PDE11A: variants seen among roughly 807,000 people sequenced by gnomAD.
The protein encoded by PDE11A is dual 3',5'-cyclic-AMP and -GMP phosphodiesterase 11A.
A neutral mutation model predicts 100.5 loss-of-function variants in PDE11A; 100 were observed. The observed-to-expected ratio is 1.00, with a 90% CI of 0.85 to 1.18. The LOEUF (loss-of-function observed/expected upper bound fraction) is 1.18. Ranked by LOEUF, PDE11A falls within the 50% of genes most tolerant of loss-of-function variation. The pLI, the probability that PDE11A is intolerant of heterozygous loss-of-function variation, is 0.00. For missense variants in PDE11A, 1,141 were observed against 1,152.6 expected, an observed-to-expected ratio of 0.99 and a Z score of 0.15; for synonymous variants, 381 against 420.8, an observed-to-expected ratio of 0.91 and a Z score of 1.16.
chr2:177,923,907 C>A (rs1245697527), intron 2 of PDE11A, among the ~76,000 whole-genome samples: 1 of 152,044 alleles, frequency 6.6e-6, no homozygotes, highest in East Asian at 1.9e-4. Context: ...AGTGGTGGCT[C>A]AAGCAATATG....
chr2:178,037,185 AAAC>A (rs1380805112), intron 1 of PDE11A, among the ~76,000 whole-genome samples: 1 of 152,232 alleles, frequency 6.6e-6, no homozygotes, highest in Non-Finnish European at 1.5e-5. Context: ...AGAAAAAAAC[AAAC>A]AACACCATGA....
At chr2:177,982,174 C>T (rs2695747) in intron 2 of PDE11A, among the ~76,000 whole-genome samples, 97,144 of 150,278 alleles carry the variant, frequency 0.65, 34,823 homozygotes, top group African/African-American at 0.87. Flanking sequence ...CAAAATGAAT[C>T]CTTTTCAGCT....
At chr2:177,798,926 T>C (rs1317399804) in intron 9 of PDE11A, among the ~76,000 whole-genome samples, 2 of 152,278 alleles carry the variant, frequency 1.3e-5, no homozygotes, top group South Asian at 4.1e-4. Flanking sequence ...AGAGTAACTG[T>C]ACATTGGGGA....
intron 9 of PDE11A, among the ~76,000 whole-genome samples, chr2:177,805,731 A>G (rs1426857004): frequency 6.6e-6 from 1 of 152,218 alleles, no homozygotes; most frequent in Non-Finnish European, 1.5e-5. Context: ...AAATGCTAAT[A>G]TCTGATACAT....
chr2:177,808,318 TATC>T (rs1318937003), intron 9 of PDE11A, among the ~76,000 whole-genome samples: 1 of 152,224 alleles, frequency 6.6e-6, no homozygotes, highest in Non-Finnish European at 1.5e-5. Context: ...AGTAGATAGT[TATC>T]ATTTGGACAA....
intron 1 of PDE11A, among the ~76,000 whole-genome samples, chr2:178,067,861 T>C (rs1012458311): frequency 6.6e-6 from 1 of 152,184 alleles, no homozygotes; most frequent in Non-Finnish European, 1.5e-5. Context: ...GAAGCTGTTG[T>C]GTAAACAGAT....
At chr2:177,836,030 C>A (rs373259793) in intron 6 of PDE11A, among the ~76,000 whole-genome samples, 2 of 152,224 alleles carry the variant, frequency 1.3e-5, no homozygotes, top group East Asian at 3.9e-4. Context: ...CCGGTCCTAT[C>A]GACCACCCAA....
upstream of PDE11A, among the ~76,000 whole-genome samples, chr2:178,076,179 G>A (rs1178314252): frequency 6.6e-6 from 1 of 152,118 alleles, no homozygotes; most frequent in African/African-American, 2.4e-5. Flanking sequence ...GGCTCTGCAG[G>A]CTCCTTCTCC....
At chr2:177,928,965 TG>T (rs1485816171) in intron 2 of PDE11A, among the ~76,000 whole-genome samples, 1 of 152,210 alleles carries the variant, frequency 6.6e-6, no homozygotes, top group East Asian at 1.9e-4. Flanking sequence ...TTGAGAACCT[TG>T]AAAAAGTAAA....
intron 19 of PDE11A, among the ~76,000 whole-genome samples, chr2:177,643,216 T>C (rs907119712): frequency 6.6e-6 from 1 of 152,060 alleles, no homozygotes; most frequent in African/African-American, 2.4e-5. Context: ...TTTGGAACAA[T>C]TTGGAGGGCT....
chr2:177,746,512 T>C (rs2081950171), intron 10 of PDE11A, among the ~76,000 whole-genome samples: 1 of 152,190 alleles, frequency 6.6e-6, no homozygotes, highest in Non-Finnish European at 1.5e-5. Context: ...AGGCATATTC[T>C]GATATCACAT....
intron 6 of PDE11A, among the ~76,000 whole-genome samples, chr2:177,835,727 G>A (rs1030569363): frequency 1.3e-5 from 2 of 152,322 alleles, no homozygotes; most frequent in South Asian, 4.1e-4. Flanking sequence ...CCCACCACAA[G>A]TTCTGGGTGG....
intron 1 of PDE11A, among the ~76,000 whole-genome samples, chr2:178,054,892 T>C (rs981714018): frequency 6.6e-6 from 1 of 152,212 alleles, no homozygotes; most frequent in Non-Finnish European, 1.5e-5. Context: ...ATTTTTACAC[T>C]GTTGGTGGGA....
chr2:177,771,384 C>T (rs996319347), intron 9 of PDE11A, among the ~76,000 whole-genome samples: 1 of 152,144 alleles, frequency 6.6e-6, no homozygotes, highest in Non-Finnish European at 1.5e-5. Context: ...ATGGCACATA[C>T]CATTTGTGTG....
At chr2:177,880,381 A>G (rs557568212) in intron 4 of PDE11A, among the ~76,000 whole-genome samples, 90 of 152,044 alleles carry the variant, frequency 5.9e-4, no homozygotes, top group Non-Finnish European at 1.2e-3. Context: ...CCCAATAAAG[A>G]CTCTAGACAC....
At chr2:177,707,295 GTTC>G (rs1222093112) in intron 13 of PDE11A, among the ~76,000 whole-genome samples, 12 of 152,208 alleles carry the variant, frequency 7.9e-5, no homozygotes, top group African/African-American at 2.7e-4. Flanking sequence ...ATAAACTGTA[GTTC>G]TTCTCATTGT....
At chr2:177,888,637 C>G (rs1041493853) in intron 4 of PDE11A, 1 of 883,076 alleles carries the variant, frequency 1.1e-6, no homozygotes, top group African/African-American at 1.8e-5. Flanking sequence ...AGAGGCAATC[C>G]ACAAAACCAA....
At chr2:177,785,878 G>A (rs1296358139) in intron 9 of PDE11A, among the ~76,000 whole-genome samples, 1 of 152,242 alleles carries the variant, frequency 6.6e-6, no homozygotes, top group African/African-American at 2.4e-5. Flanking sequence ...AAACAAAGCA[G>A]CCAGAAAGCT....
chr2:178,102,011 G>A (rs575833418), intron 2 of PDE11A, among the ~76,000 whole-genome samples: 5 of 151,542 alleles, frequency 3.3e-5, no homozygotes, highest in South Asian at 2.1e-4. Context: ...TCACCCAGGC[G>A]GGAGTGCAGC....
Sources: allele counts gnomAD v4.1 joint callset (sites outside exome capture counted in the v4.1 genomes callset), GRCh38; gene constraint gnomAD v4.1.1; transcripts MANE v1.5; gene names NCBI Gene and HGNC (gene_info 2026-07-23, HGNC 2026-07-21).